PARP8: variants seen among roughly 807,000 people sequenced by gnomAD.
PARP8 encodes the protein protein mono-ADP-ribosyltransferase PARP8.
PARP8 carries 51 observed loss-of-function variants against 124.1 expected under a neutral mutation model. The observed-to-expected ratio is 0.41, with a 90% CI of 0.33 to 0.52. The LOEUF (loss-of-function observed/expected upper bound fraction) is 0.52, where lower values mean the gene tolerates loss of function less well. Among genes scored for constraint, PARP8 ranks in the 20% least tolerant of loss-of-function variants. The pLI is 0.21. For synonymous variants in PARP8, 391 were observed against 361.5 expected, an observed-to-expected ratio of 1.08 and a Z score of -0.93; for missense variants, 860 against 1,018.9, an observed-to-expected ratio of 0.84 and a Z score of 2.12.
intron 2 of PARP8, among the ~76,000 whole-genome samples, chr5:50,676,519 C>A (rs1215048326): frequency 1.3e-5 from 2 of 152,146 alleles, no homozygotes; most frequent in Admixed American, 1.3e-4. Context: ...ATTAGAAGTC[C>A]GTCTTCCGTC....
chr5:50,669,829 A>T (rs557344468), intron 2 of PARP8, among the ~76,000 whole-genome samples: 1 of 152,328 alleles, frequency 6.6e-6, no homozygotes, highest in African/African-American at 2.4e-5. Flanking sequence ...TTTGTCACTG[A>T]TTTAAATGTA....
chr5:50,741,535 A>G (rs1180749252), intron 2 of PARP8, among the ~76,000 whole-genome samples: 1 of 152,228 alleles, frequency 6.6e-6, no homozygotes, highest in African/African-American at 2.4e-5. Context: ...AGAAGTCCAG[A>G]CATTTAACTT....
chr5:50,823,757 T>G (rs1452429544), intron 17 of PARP8, among the ~76,000 whole-genome samples: 1 of 152,200 alleles, frequency 6.6e-6, no homozygotes, highest in South Asian at 2.1e-4. Context: ...CTTTCTTTAT[T>G]CTGGGTCATG....
At chr5:50,823,029 A>G (rs528057197) in intron 17 of PARP8, among the ~76,000 whole-genome samples, 3 of 152,362 alleles carry the variant, frequency 2.0e-5, no homozygotes, top group African/African-American at 7.2e-5. Flanking sequence ...AGAGAGGTTT[A>G]AAACTTATCA....
chr5:50,766,601 G>A (rs1161262336), intron 7 of PARP8, among the ~76,000 whole-genome samples: 9 of 152,112 alleles, frequency 5.9e-5, no homozygotes, highest in Non-Finnish European at 1.5e-5. Flanking sequence ...AGTCATATGA[G>A]TAATAGTCTA....
chr5:50,675,841 T>A (rs1487861009), intron 2 of PARP8, among the ~76,000 whole-genome samples: 3 of 151,158 alleles, frequency 2.0e-5, no homozygotes, highest in African/African-American at 7.3e-5. Flanking sequence ...GATGTCACAT[T>A]AAAAAAAAAG....
chr5:50,688,188 C>T (rs993871507), intron 2 of PARP8, among the ~76,000 whole-genome samples: 1 of 152,142 alleles, frequency 6.6e-6, no homozygotes, highest in Non-Finnish European at 1.5e-5. Flanking sequence ...GTACAATAAC[C>T]ACAAAGCCGA....
intron 2 of PARP8, among the ~76,000 whole-genome samples, chr5:50,696,754 A>G (rs912841871): frequency 7.3e-5 from 11 of 151,700 alleles, no homozygotes; most frequent in Non-Finnish European, 5.9e-5. Context: ...CTATTTCTCT[A>G]TTTGTACTTC....
intron 2 of PARP8, among the ~76,000 whole-genome samples, chr5:50,740,786 C>A (rs752555210): frequency 1.3e-4 from 19 of 150,472 alleles, no homozygotes; most frequent in Non-Finnish European, 2.1e-4. Context: ...GCTCTCCAGC[C>A]TGGGCAATAG....
intron 2 of PARP8, among the ~76,000 whole-genome samples, chr5:50,713,096 G>C (rs990169411): frequency 6.6e-6 from 1 of 152,000 alleles, no homozygotes; most frequent in Non-Finnish European, 1.5e-5. Flanking sequence ...TATATTAATT[G>C]TGCTTTATTT....
At chr5:50,789,660 AACATTAACTTCTAT>A (rs1254255402) in intron 10 of PARP8, among the ~76,000 whole-genome samples, 3 of 152,196 alleles carry the variant, frequency 2.0e-5, no homozygotes, top group Admixed American at 1.3e-4. Flanking sequence ...TCAGAATATA[AACATTAACTTCTAT>A]ACTTAATATC....
At chr5:50,673,835 A>G (rs552304195) in intron 2 of PARP8, among the ~76,000 whole-genome samples, 69 of 152,258 alleles carry the variant, frequency 4.5e-4, no homozygotes, top group African/African-American at 1.5e-3. Flanking sequence ...ATTTCCCATC[A>G]TTTCTCTCTG....
chr5:50,801,381 G>C (rs1743214387), intron 14 of PARP8, among the ~76,000 whole-genome samples: 1 of 152,148 alleles, frequency 6.6e-6, no homozygotes, highest in Admixed American at 6.5e-5. Context: ...TTACAGGCGT[G>C]AGCCACCATG....
At chr5:50,749,918 A>G (rs1479913421) in intron 2 of PARP8, among the ~76,000 whole-genome samples, 2 of 152,156 alleles carry the variant, frequency 1.3e-5, no homozygotes, top group African/African-American at 4.8e-5. Flanking sequence ...GGAGAAAGAT[A>G]TTTCAAAACT....
At chr5:50,680,931 C>A (rs1221162614) in intron 2 of PARP8, among the ~76,000 whole-genome samples, 3 of 152,000 alleles carry the variant, frequency 2.0e-5, no homozygotes, top group Non-Finnish European at 4.4e-5. Context: ...CTTTTGTTAC[C>A]CTACTTGACA....
At chr5:50,685,859 C>T (rs1333048630) in intron 2 of PARP8, among the ~76,000 whole-genome samples, 1 of 152,186 alleles carries the variant, frequency 6.6e-6, no homozygotes, top group African/African-American at 2.4e-5. Flanking sequence ...TTGAAACTTA[C>T]TCTCACAAGA....
intron 2 of PARP8, among the ~76,000 whole-genome samples, chr5:50,688,745 A>G (rs1259769916): frequency 1.3e-5 from 2 of 152,236 alleles, no homozygotes; most frequent in Non-Finnish European, 2.9e-5. Flanking sequence ...TTGAAGTATT[A>G]TAGTATTTAA....
At chr5:50,813,124 G>C (rs1212679722) in intron 14 of PARP8, among the ~76,000 whole-genome samples, 1 of 152,128 alleles carries the variant, frequency 6.6e-6, no homozygotes, top group Admixed American at 6.5e-5. Context: ...TTCCAATTCT[G>C]TGAAGAAAGT....
At chr5:50,723,458 A>G (rs1260036332) in intron 2 of PARP8, among the ~76,000 whole-genome samples, 1 of 152,108 alleles carries the variant, frequency 6.6e-6, no homozygotes, top group Non-Finnish European at 1.5e-5. Context: ...TTTGGATATC[A>G]AAGATGAGAA....
Sources: allele counts gnomAD v4.1 joint callset (sites outside exome capture counted in the v4.1 genomes callset), GRCh38; gene constraint gnomAD v4.1.1; transcripts MANE v1.5; gene names NCBI Gene and HGNC (gene_info 2026-07-23, HGNC 2026-07-21).